The following DLG1 variants were observed in gnomAD, a reference collection of about 807,000 sequenced individuals.
DLG1 encodes disks large homolog 1.
Under a neutral mutation model 123.4 loss-of-function variants are expected in DLG1, and 42 were observed. The ratio of observed to expected loss-of-function variants is 0.34; its 90% CI spans 0.27 to 0.44. DLG1 has a LOEUF of 0.44. DLG1 is among the 20% of genes least tolerant of loss of function. The probability of loss-of-function intolerance (pLI) is 1.00; values close to 1 mark genes in which losing one functional copy is unlikely to be tolerated. For missense variants in DLG1, 942 were observed against 1,082.6 expected (o/e 0.87, Z 1.82); for synonymous variants, 317 against 356.2 (o/e 0.89, Z 1.24).
intron 19 of DLG1, 60 bp downstream of exon 19, chr3:197,069,159 A>C (rs1741806790): frequency 3.4e-6 from 4 of 1,164,068 alleles, no homozygotes; most frequent in Admixed American, 2.3e-5. Context: ...GAATCCCTCC[A>C]CCCCTGCAGA....
chr3:197,285,684 G>A (rs866921104), intron 3 of DLG1, among the ~76,000 whole-genome samples: 1 of 152,104 alleles, frequency 6.6e-6, no homozygotes, highest in Non-Finnish European at 1.5e-5. Context: ...ATTAAAACAA[G>A]ATACTACTAC....
intron 5 of DLG1, among the ~76,000 whole-genome samples, chr3:197,152,693 G>T (rs1794551126): frequency 6.7e-6 from 1 of 148,790 alleles, no homozygotes; most frequent in South Asian, 2.1e-4. Context: ...AACCCAGGAG[G>T]TGGAGCTTGC....
chr3:197,295,482 C>CA (rs67590858), intron 3 of DLG1, among the ~76,000 whole-genome samples: 36,387 of 142,274 alleles, frequency 0.26, 5,403 homozygotes, highest in East Asian at 0.71. Context: ...ATAACTAAAA[C>CA]AAAAAAAAAA....
intron 4 of DLG1, among the ~76,000 whole-genome samples, chr3:197,272,363 A>AG (rs1491415531): frequency 2.0e-5 from 3 of 152,048 alleles, no homozygotes; most frequent in Non-Finnish European, 2.9e-5. Context: ...GAAAAAAAAA[A>AG]GAAAAAAAAA....
intron 21 of DLG1, 108 bp downstream of exon 21, chr3:197,065,598 CTG>C (rs1438579069): frequency 3.0e-6 from 3 of 995,860 alleles, no homozygotes; most frequent in African/African-American, 3.3e-5. Context: ...GGAAGAGTAA[CTG>C]ATAAAATAAG....
chr3:197,088,717 T>C (rs1755898009), intron 15 of DLG1, among the ~76,000 whole-genome samples: 1 of 152,202 alleles, frequency 6.6e-6, no homozygotes, highest in Admixed American at 6.5e-5. Flanking sequence ...TGTGTGACCA[T>C]ATGTTTTCAT....
At chr3:197,094,559 C>G (rs1759563710) in intron 14 of DLG1, among the ~76,000 whole-genome samples, 1 of 152,158 alleles carries the variant, frequency 6.6e-6, no homozygotes, top group Non-Finnish European at 1.5e-5. Context: ...ATTCTGTCCC[C>G]ATTTTCTAAT....
intron 5 of DLG1, among the ~76,000 whole-genome samples, chr3:197,182,082 A>T (rs1055028262): frequency 1.3e-5 from 2 of 152,138 alleles, no homozygotes; most frequent in East Asian, 3.9e-4. Context: ...TATCAATGCT[A>T]GTGTTATCTG....
At chr3:197,135,295 G>A (rs1784531932) in intron 10 of DLG1, among the ~76,000 whole-genome samples, 1 of 152,166 alleles carries the variant, frequency 6.6e-6, no homozygotes, top group South Asian at 2.1e-4. Context: ...CCCATGTGTT[G>A]GGGGAGGGAC....
intron 3 of DLG1, among the ~76,000 whole-genome samples, chr3:197,290,732 C>T (rs1284525403): frequency 6.6e-6 from 1 of 151,678 alleles, no homozygotes; most frequent in Non-Finnish European, 1.5e-5. Context: ...CTGGGCAACA[C>T]CTGTCTCTAG....
intron 4 of DLG1, among the ~76,000 whole-genome samples, chr3:197,243,558 G>A (rs1750053413): frequency 1.3e-5 from 2 of 151,940 alleles, no homozygotes; most frequent in Non-Finnish European, 2.9e-5. Context: ...CAACTAATAG[G>A]GATGAAGGTA....
chr3:197,085,557 C>G, intron 16 of DLG1, 23 bp downstream of exon 16: 1 of 1,612,082 alleles, frequency 6.2e-7, no homozygotes, highest in East Asian at 2.2e-5. Flanking sequence ...GCCTCACATT[C>G]AAGTGGTAAG....
At chr3:197,221,994 C>T (rs1431973231) in intron 4 of DLG1, among the ~76,000 whole-genome samples, 2 of 152,124 alleles carry the variant, frequency 1.3e-5, no homozygotes, top group African/African-American at 4.8e-5. Flanking sequence ...CTTACATTGC[C>T]TAGTACAATG....
At chr3:197,130,903 C>T (rs1782130774) in intron 10 of DLG1, among the ~76,000 whole-genome samples, 2 of 152,296 alleles carry the variant, frequency 1.3e-5, no homozygotes, top group South Asian at 4.1e-4. Flanking sequence ...TCCATACCTC[C>T]TATTCTCCCA....
rs376216790 is a variant in DLG1 at position 197,242,211 on chromosome 3, A to G, written c.318+40468T>C. 1.4e-4 allele frequency among the ~76,000 whole-genome samples: 22 copies of G among 152,308 alleles called. 1 individual carries two copies. Among genetic ancestry groups the G allele is most frequent in the African/African-American group, 4.6e-4 (19 of 41,570 alleles). On this transcript the variant is annotated intron_variant, in intron 4 of 24. Transcript: ENST00000667157. ...AAAAAAAGACAAAGAAGGTCACTAT[A>G]TGATGATAAAGGAGTCAGTCAATTC... is the stretch of plus-strand genomic sequence containing the variant.
rs968614253 is a variant in DLG1, at chr3:197,158,451, C to T, written c.484-8655G>A. ...CAGTCTGACCAACATGGAGAAACCT[C>T]GTCTCTACTTAAAAAAAAAAAAAAA... On this transcript the variant is annotated intron_variant, in intron 5 of 24. Coordinates refer to ENST00000667157, the MANE Select transcript of DLG1 (RefSeq NM_001366207.1). Among the ~76,000 whole-genome samples, 7 of 125,790 alleles carry T rather than the reference C, an allele frequency of 5.6e-5. No homozygotes were observed. The South Asian group carries it at 1.9e-3, about 35-fold the overall frequency. The allele number at this position is 125,790 out of a possible 152,430, so 82.5% of individuals were successfully genotyped here.
intron 4 of DLG1, among the ~76,000 whole-genome samples, chr3:197,214,613 A>G (rs1733094998): frequency 6.6e-6 from 1 of 152,094 alleles, no homozygotes; most frequent in African/African-American, 2.4e-5. Context: ...AAAGACTAAT[A>G]AATTTGAATA....
intron 3 of DLG1, among the ~76,000 whole-genome samples, chr3:197,283,695 T>C (rs905907201): frequency 1.3e-5 from 2 of 152,160 alleles, no homozygotes; most frequent in African/African-American, 4.8e-5. Context: ...GATAAGGGAA[T>C]AGTAAAAGTG....
chr3:197,067,551 G>GTTTTTT lies in DLG1; in HGVS notation c.2048-803_2048-798dup, dbSNP rs199907948. On this transcript the variant is annotated intron_variant, in intron 19 of 24. Coordinates refer to ENST00000667157, the MANE Select transcript of DLG1 (RefSeq NM_001366207.1). ...AAATAAATAGTTAAAAACTCTGAGAGTTTTTTTTTTTTTTTTTTTTTTTGA... is the reference window on the plus strand; with the variant it reads ...AAATAAATAGTTAAAAACTCTGAGAGTTTTTTTTTTTTTTTTTTTTTTTTTTTTTGA... Among the ~76,000 whole-genome samples the GTTTTTT allele has an allele frequency of 3.3e-3, 350 of 107,376 alleles. 23 individuals carry two copies. Among genetic ancestry groups the GTTTTTT allele is most frequent in the African/African-American group, 0.012 (291 of 25,256 alleles). The allele number at this position is 107,376 out of a possible 152,430, so 70.4% of individuals were successfully genotyped here.
Sources: gnomAD v4.1 joint callset for allele counts (sites outside exome capture counted in the v4.1 genomes callset) on GRCh38, gnomAD v4.1.1 for gene constraint, MANE v1.5 for transcripts, NCBI Gene and HGNC (gene_info 2026-07-23, HGNC 2026-07-21) for gene names.